Variants in ADAM8 observed in about 807,000 individuals in gnomAD.
ADAM8 encodes disintegrin and metalloproteinase domain-containing protein 8.
In ADAM8, 104 loss-of-function variants were observed where a neutral mutation model predicts 102.4. The ratio of observed to expected loss-of-function variants is 1.02; its 90% CI spans 0.87 to 1.20. The LOEUF (loss-of-function observed/expected upper bound fraction) is 1.20, where lower values mean the gene tolerates loss of function less well. ADAM8 is among the 50% of genes most tolerant of loss of function. The pLI, the probability that ADAM8 is intolerant of heterozygous loss-of-function variation, is 0.00. For synonymous variants in ADAM8, 517 were observed against 485.2 expected, an observed-to-expected ratio of 1.07 and a Z score of -0.86; for missense variants, 1,132 against 1,159.0, an observed-to-expected ratio of 0.98 and a Z score of 0.34.
rs761271202 is a variant in ADAM8 at position 133,268,049 on chromosome 10, C to T, written c.2133G>A (p.Pro711=). The T allele has an allele frequency of 4.1e-5, 52 of 1,265,404 alleles. No homozygotes were observed. The highest frequency in any genetic ancestry group is 4.6e-5 in the Non-Finnish European group (46 of 998,362). 78.4% of individuals were successfully genotyped at this position (1,265,404 alleles called of 1,614,324 possible). ...PLFHQAASRV[P]AKGGAPAPSR... ...ATGGGGCTGGAGCCCCGCCCTTGGC[C>T]GGCACGCGGCTGGCAGCCTGGTGGA... Residue 711 remains proline, a synonymous_variant, in exon 20 of 23, where the codon CCG becomes CCA. Transcript: ENST00000445355.
At chr10:133,263,287 T>C in intron 22 of ADAM8, 54 bp from the exon 23 acceptor site, 1 of 1,495,118 alleles carries the variant, frequency 6.7e-7, no homozygotes, top group Non-Finnish European at 9.0e-7. Flanking sequence ...ATAAAAGGTA[T>C]ATAAAGGGTA....
rs377427435 is a variant in ADAM8, at chr10:133,271,524, G to A, written c.1284+4C>T. ...ACGGGAGCAGGTATGGGGCATGGAC[G>A]CACCTCGGGGGGGCCGCAGTCGCAC... On this transcript the variant is annotated splice_donor_region_variant and intron_variant, in intron 12 of 22. Transcript: ENST00000445355. The A allele has an allele frequency of 3.3e-5, 51 of 1,551,166 alleles. No individual in the cohort carries two copies. Among genetic ancestry groups the A allele is most frequent in the South Asian group, 4.8e-5 (4 of 84,126 alleles).
rs79453662 is a variant in ADAM8, at chr10:133,262,635, A to C, written c.*521T>G. ...AATCCCATGGGAAACAGGCCCCAAG[A>C]TCAGGGGACCTGGAGTCGGGAGCTT... On this transcript the variant is annotated 3_prime_UTR_variant, in exon 23 of 23. Coordinates refer to ENST00000445355, the MANE Select transcript of ADAM8 (RefSeq NM_001109.5). The C allele has an allele frequency of 0.026, 4,008 of 154,556 alleles. 76 individuals are homozygous for C. Among genetic ancestry groups the C allele is most frequent in the Non-Finnish European group, 0.039 (2,703 of 69,270 alleles). The allele number at this position is 154,556 out of a possible 1,614,324, so 9.6% of individuals were successfully genotyped here. A position where few individuals can be genotyped will look rare whatever the true frequency, so the allele number is the denominator to read the frequency against.
Position 133,271,211 on chromosome 10 carries a change from G to A in ADAM8, c.1363C>T (p.Gln455Ter). The A allele has an allele frequency of 6.2e-7, 1 of 1,611,556 alleles. No homozygotes were observed. Among genetic ancestry groups the A allele is most frequent in the Non-Finnish European group, 8.5e-7 (1 of 1,179,438 alleles). ...GAGGCTGCACTCACCTTGCACTCCT[G>A]GCAGCAGGTACCGTGCGCACACTGG... ...GAQCAHGTCC[Q>*]ECKVKPAGEL... The change falls in exon 13 of 23, where the codon CAG becomes TAG. Residue 455 changes from glutamine (Q) to a stop codon, truncating the protein, a stop_gained. Transcript: ENST00000445355. LOFTEE classifies it high-confidence loss of function.
chr10:133,273,060 C>T, intron 6 of ADAM8, 41 bp from the exon 7 acceptor site: 1 of 1,612,492 alleles, frequency 6.2e-7, no homozygotes, highest in Non-Finnish European at 8.5e-7. Flanking sequence ...CTTCCCAGCG[C>T]CGGGGCCTGG....
chr10:133,266,071 G>A (rs1256480393), intron 21 of ADAM8, among the ~76,000 whole-genome samples: 3 of 152,168 alleles, frequency 2.0e-5, no homozygotes, highest in Admixed American at 1.3e-4. Context: ...GGGGAAGGGT[G>A]TGTCCAGTGC....
chr10:133,270,005 G>A (rs752864978), intron 16 of ADAM8, 31 bp from the exon 17 acceptor site: 22 of 1,606,792 alleles, frequency 1.4e-5, no homozygotes, highest in South Asian at 1.1e-4. Context: ...TCAGGCAGCC[G>A]CTCTGGACCT....
At chr10:133,273,625 G>A in intron 5 of ADAM8, 137 bp downstream of exon 5, 3 of 1,291,028 alleles carry the variant, frequency 2.3e-6, no homozygotes, top group Non-Finnish European at 3.2e-6. Flanking sequence ...CGTCCCCTGA[G>A]CAGACCCCCA....
At chr10:133,274,804 G>A in intron 2 of ADAM8, 1 of 412,774 alleles carries the variant, frequency 2.4e-6, no homozygotes, top group Non-Finnish European at 4.9e-6. Context: ...ACCTGGTGGT[G>A]CCTGCAGAGC....
chr10:133,276,486 G>A (rs1564929605), intron 1 of ADAM8, among the ~76,000 whole-genome samples: 2 of 152,250 alleles, frequency 1.3e-5, no homozygotes, highest in Admixed American at 1.3e-4. Context: ...AGCAGGTGAA[G>A]CGTCCTGCTT....
In ADAM8 at chr10:133,268,777, G is replaced by A. The variant is rs1846417643; in HGVS notation, c.2034C>T (p.Tyr678=). The A allele has an allele frequency of 6.2e-7, 1 of 1,610,748 alleles. No individual in the cohort carries two copies. Among genetic ancestry groups the A allele is most frequent in the South Asian group, 1.1e-5 (1 of 91,052 alleles). The change falls in exon 19 of 23, where the codon TAC becomes TAT. Residue 678 remains tyrosine, a synonymous_variant. Coordinates refer to ENST00000445355, the MANE Select transcript of ADAM8 (RefSeq NM_001109.5). ...VLVTLAGIIV[Y]RKARSRILSR... ...TCAGGATGCGGCTCCGGGCTTTGCGGTAGACGATGATGCCTGCCAGGGTGA... is the reference window on the plus strand; with the variant it reads ...TCAGGATGCGGCTCCGGGCTTTGCGATAGACGATGATGCCTGCCAGGGTGA...
At chr10:133,269,318 T>C (rs1221213482) in intron 18 of ADAM8, 127 bp downstream of exon 18, 8 of 1,260,506 alleles carry the variant, frequency 6.3e-6, no homozygotes, top group East Asian at 5.3e-5. Context: ...TGTGTGTCGA[T>C]GCCTGTGGCA....
intron 22 of ADAM8, 62 bp downstream of exon 22, chr10:133,263,626 C>CGTGGGGAGGCCGTGCCACTGTCAGCCCG: frequency 6.8e-7 from 1 of 1,474,976 alleles, no homozygotes; most frequent in Non-Finnish European, 9.1e-7. Context: ...CCGTCAGCCC[C>CGTGGGGAGGCCGTGCCACTGTCAGCCCG]GTGGGGAGGC....
Position 133,267,965 on chromosome 10 carries a change from C to T in ADAM8, c.2217G>A (p.Pro739=), listed in dbSNP as rs936029462. 13 of 1,261,204 alleles carry T rather than the reference C, an allele frequency of 1.0e-5. No homozygotes were observed. Among genetic ancestry groups the T allele is most frequent in the South Asian group, 3.9e-5 (1 of 25,750 alleles). The allele number at this position is 1,261,204 out of a possible 1,614,324, so 78.1% of individuals were successfully genotyped here. The change falls in exon 20 of 23, where the codon CCG becomes CCA. Residue 739 remains proline (P), a synonymous_variant. Coordinates refer to ENST00000445355, the MANE Select transcript of ADAM8 (RefSeq NM_001109.5). ...TTHPGQPARH[P]ASSVALKRPP... ...GCCTCTTCAGAGCCACCGAGGAGGC[C>T]GGGTGTCGGGCGGGCTGGCCCGGGT... is the stretch of plus-strand genomic sequence containing the variant.
chr10:133,270,422 T>C lies in ADAM8; in HGVS notation c.1723A>G (p.Thr575Ala). 4.4e-6 allele frequency: 7 copies of C among 1,605,976 alleles called. No homozygotes were observed. Among genetic ancestry groups the C allele is most frequent in the Non-Finnish European group, 6.0e-6 (7 of 1,174,444 alleles). ...ICIVDVCHAL[T>A]TEDGTAYEPV... The stretch of plus-strand genomic sequence containing the variant: ...TCATACGCAGTGCCATCCTCTGTGG[T>C]GAGCGCGTGGCACACATCCACGATG... The change falls in exon 16 of 23, where the codon ACC becomes GCC. Residue 575 changes from threonine to alanine, a missense_variant. By Grantham distance (58) the Thr-to-Ala change is moderately conservative. Transcript: ENST00000445355.
At position 133,270,501 on chromosome 10, in the gene ADAM8, CAT is replaced by C. The variant is rs375995290; in HGVS notation, c.1642_1643del (p.Met548ValfsTer35). 3,973 of 1,589,794 alleles carry C rather than the reference CAT, an allele frequency of 2.5e-3. 8 individuals carry two copies. The highest frequency in any genetic ancestry group is 6.3e-3 in the Middle Eastern group (36 of 5,716). ...CACCCTTGCACTGCAGAACGCCACA[CAT>C]GTCAGCCCTGTGGATGGACGGCAGG... ...GCKASRYRAD[M>X]CGVLQCKGGQ... On this transcript the variant is annotated frameshift_variant, in exon 16 of 23. Transcript: ENST00000445355. LOFTEE classifies it high-confidence loss of function.
In ADAM8 at chr10:133,268,040, G is replaced by A. The variant is rs773871981; in HGVS notation, c.2142C>T (p.Gly714=). Residue 714 remains glycine (G), a synonymous_variant, in exon 20 of 23, where the codon GGC becomes GGT. Coordinates refer to ENST00000445355, the MANE Select transcript of ADAM8 (RefSeq NM_001109.5). ...HQAASRVPAK[G]GAPAPSRGPQ... ...GGCCCCTGGATGGGGCTGGAGCCCC[G>A]CCCTTGGCCGGCACGCGGCTGGCAG... The A allele has an allele frequency of 3.3e-5, 42 of 1,263,498 alleles. No homozygotes were observed. Among genetic ancestry groups the A allele is most frequent in the Admixed American group, 3.8e-5 (1 of 26,046 alleles). The allele number at this position is 1,263,498 out of a possible 1,614,324, so 78.3% of individuals were successfully genotyped here.
chr10:133,266,147 G>T (rs565075202), intron 21 of ADAM8, among the ~76,000 whole-genome samples: 1 of 152,218 alleles, frequency 6.6e-6, no homozygotes, highest in Non-Finnish European at 1.5e-5. Context: ...CAGGCTGAGG[G>T]ACTCTGAAAA....
intron 17 of ADAM8, 58 bp downstream of exon 17, chr10:133,269,839 G>A (rs763578711): frequency 3.2e-5 from 51 of 1,577,598 alleles, no homozygotes; most frequent in East Asian, 9.0e-5. Context: ...CCCCAGCACC[G>A]GCTCCCTCAG....
Sources: gnomAD v4.1 joint callset for allele counts (sites outside exome capture counted in the v4.1 genomes callset) on GRCh38, gnomAD v4.1.1 for gene constraint, MANE v1.5 for transcripts, NCBI Gene and HGNC (gene_info 2026-07-23, HGNC 2026-07-21) for gene names.